The following EIF4G1 variants were observed in gnomAD, a reference collection of about 807,000 sequenced individuals.
The protein encoded by EIF4G1 is EIF4-gamma.
Under a neutral mutation model 187.8 loss-of-function variants are expected in EIF4G1, and 4 were observed. The ratio of observed to expected loss-of-function variants is 0.02; its 90% CI spans 0.01 to 0.05. The LOEUF is 0.05. Among genes scored for constraint, EIF4G1 ranks in the 10% least tolerant of loss-of-function variants. EIF4G1 has a pLI of 1.00. For missense variants in EIF4G1, 1,647 were observed against 2,081.1 expected, an observed-to-expected ratio of 0.79 and a Z score of 4.06; for synonymous variants, 844 against 781.4, an observed-to-expected ratio of 1.08 and a Z score of -1.34.
In EIF4G1 at chr3:184,332,096, A is replaced by C. The variant is rs1232502267; in HGVS notation, c.4618+10A>C. The C allele has an allele frequency of 6.2e-7, 1 of 1,614,086 alleles. No homozygotes were observed. The highest frequency in any genetic ancestry group is 8.5e-7 in the Non-Finnish European group (1 of 1,180,032). On this transcript the variant is annotated intron_variant, in intron 32 of 32. Transcript: ENST00000346169. ...TTAGAACAGCCTCCCAGTAAGAGCC[A>C]GGCCATGGGGACAGGGGTGGGGTGG...
Position 184,326,513 on chromosome 3 carries a change from C to G in EIF4G1, c.3223-14C>G. The G allele has an allele frequency of 6.2e-7, 1 of 1,613,844 alleles. No individual in the cohort carries two copies. Among genetic ancestry groups the G allele is most frequent in the Non-Finnish European group, 8.5e-7 (1 of 1,179,990 alleles). On this transcript the variant is annotated splice_polypyrimidine_tract_variant and intron_variant, in intron 21 of 32. Transcript: ENST00000346169. Reference sequence around the variant, plus strand: ...GGGTTGGACCTATGATTCTACTCCCCTTTTCTTCTTCAGCCTGGCTCCATC... The same window carrying G: ...GGGTTGGACCTATGATTCTACTCCCGTTTTCTTCTTCAGCCTGGCTCCATC...
chr3:184,328,447 A>G (rs1316703298), intron 26 of EIF4G1, 184 bp from the exon 27 acceptor site: 1 of 835,526 alleles, frequency 1.2e-6, no homozygotes, highest in Non-Finnish European at 2.0e-6. Flanking sequence ...GCATAACTTT[A>G]GGGGGTTAAG....
rs556323882 is a variant in EIF4G1, at chr3:184,314,850, C to T, written c.-92+176C>T. ...ATCCCCGGCCCACGTGTGCCTGGCCCGGCCGGGCCTGGCTGCTGGGTGGGG... is the reference window on the plus strand; with the variant it reads ...ATCCCCGGCCCACGTGTGCCTGGCCTGGCCGGGCCTGGCTGCTGGGTGGGG... On this transcript the variant is annotated intron_variant, in intron 1 of 32. Coordinates refer to ENST00000346169, the MANE Select transcript of EIF4G1 (RefSeq NM_198241.3). Among the ~76,000 whole-genome samples the T allele has an allele frequency of 1.5e-3, 219 of 150,172 alleles. 2 individuals carry two copies. The highest frequency in any genetic ancestry group is 8.1e-3 in the East Asian group (41 of 5,078).
Position 184,325,680 on chromosome 3 carries a change from A to T in EIF4G1, c.3121+41A>T. On this transcript the variant is annotated intron_variant, in intron 20 of 32. Transcript: ENST00000346169. This position sits in a 1 kb window ranked among gnomAD's most constrained non-coding sequence, Gnocchi z 5.2. ...GGATTGAGAAGGGAGCAGTGAAGGG[A>T]CCGGGAGGTTATACTTTCCTCTGAT... 6.2e-7 allele frequency: 1 copy of T among 1,614,024 alleles called. No homozygotes were observed. The highest frequency in any genetic ancestry group is 8.5e-7 in the Non-Finnish European group (1 of 1,180,004).
At chr3:184,318,465 AG>A (rs569975060) in intron 6 of EIF4G1, among the ~76,000 whole-genome samples, 1 of 152,054 alleles carries the variant, frequency 6.6e-6, no homozygotes, top group East Asian at 1.9e-4. Flanking sequence ...TTAAAATTTG[AG>A]GGGGGCTGAG....
chr3:184,330,357 C>T (rs538420577), intron 28 of EIF4G1, among the ~76,000 whole-genome samples: 20 of 152,040 alleles, frequency 1.3e-4, no homozygotes, highest in Non-Finnish European at 2.2e-4. Flanking sequence ...CCAGCCTGGG[C>T]GACAGAGCAA....
In EIF4G1 at chr3:184,327,446, C is replaced by T. The variant is rs139196308; in HGVS notation, c.3659C>T (p.Ala1220Val). 6.2e-6 allele frequency: 10 copies of T among 1,613,512 alleles called. 1 individual carries two copies. The East Asian group carries it at 2.2e-4, about 36-fold the overall frequency. Reference sequence around the variant, plus strand: ...GAGGATCGGGACCGTGGGCGGGATGCCGGTGAGAGTCTGGGAGAGGAATGG... The same window carrying T: ...GAGGATCGGGACCGTGGGCGGGATGTCGGTGAGAGTCTGGGAGAGGAATGG... ...LTEDRDRGRDAVKREAALPPV... is the reference protein window; with the variant it reads ...LTEDRDRGRDVVKREAALPPV... Residue 1220 changes from alanine (A) to valine (V), a missense_variant and splice_region_variant, in exon 24 of 33, where the codon GCC becomes GTC. Physicochemically the swap from Ala to Val is moderately conservative, Grantham distance 64. Transcript: ENST00000346169.
intron 4 of EIF4G1, among the ~76,000 whole-genome samples, chr3:184,316,516 A>G (rs1359058885): frequency 6.6e-6 from 1 of 152,048 alleles, no homozygotes; most frequent in South Asian, 2.1e-4. Context: ...GGAGGCTGCT[A>G]TTGCTCTATT....
At chr3:184,319,634 T>TA in intron 6 of EIF4G1, 55 bp from the exon 7 acceptor site, 5 of 1,160,090 alleles carry the variant, frequency 4.3e-6, no homozygotes, top group Middle Eastern at 2.5e-4. Flanking sequence ...CAGGCATTAG[T>TA]ATATGGTTGG....
chr3:184,330,190 A>G (rs534492541), intron 28 of EIF4G1, among the ~76,000 whole-genome samples: 58 of 152,304 alleles, frequency 3.8e-4, no homozygotes, highest in Non-Finnish European at 6.8e-4. Flanking sequence ...CAGCCTGGCC[A>G]ACATGATGAA....
In EIF4G1 at chr3:184,315,822, G is replaced by GCCCCGCCCCCCCCC; in HGVS notation, c.30_31insGCCCCCCCCCCCCC (p.Pro11AlafsTer36). On this transcript the variant is annotated frameshift_variant, in exon 3 of 33. Coordinates refer to ENST00000346169, the MANE Select transcript of EIF4G1 (RefSeq NM_198241.3). LOFTEE classifies it high-confidence loss of function. ...ATGAACAAAGCTCCACAGTCCACAG[G>GCCCCGCCCCCCCCC]CCCCCCACCCGCCCCATCCCCCGGA... 6.5e-7 allele frequency: 1 copy of GCCCCGCCCCCCCCC among 1,544,492 alleles called. No homozygotes were observed. Among genetic ancestry groups the GCCCCGCCCCCCCCC allele is most frequent in the Non-Finnish European group, 8.8e-7 (1 of 1,140,800 alleles).
chr3:184,324,769 G>C, intron 17 of EIF4G1, 109 bp from the exon 18 acceptor site: 1 of 1,228,672 alleles, frequency 8.1e-7, no homozygotes, highest in East Asian at 2.3e-5. Flanking sequence ...CCAGCCAGCC[G>C]GCCTCAGGAC....
At chr3:184,330,109 G>A (rs1158355932) in intron 28 of EIF4G1, among the ~76,000 whole-genome samples, 1 of 152,210 alleles carries the variant, frequency 6.6e-6, no homozygotes, top group African/African-American at 2.4e-5. Flanking sequence ...AAAAGACTGG[G>A]CCGGGCGTGG....
At position 184,327,933 on chromosome 3, in the gene EIF4G1, A is replaced by G. The variant is rs1187270334; in HGVS notation, c.3884A>G (p.Glu1295Gly). ...STLERSAIAR[E>G]HMGQLLHQLL... Reference sequence around the variant, plus strand: ...CTGGAGCGCAGTGCCATTGCTCGTGAGCATATGGGGCAGCTGCTGCACCAG... The same window carrying G: ...CTGGAGCGCAGTGCCATTGCTCGTGGGCATATGGGGCAGCTGCTGCACCAG... Residue 1295 changes from glutamate to glycine, a missense_variant, in exon 26 of 33, where the codon GAG becomes GGG. Physicochemically the swap from Glu to Gly is moderately conservative, Grantham distance 98. Around this residue, in one of 11 missense-constraint regions of EIF4G1, gnomAD observed 543 missense variants for 638.0 expected, o/e 0.85. Transcript: ENST00000346169. 6.2e-7 allele frequency: 1 copy of G among 1,612,628 alleles called. No individual in the cohort carries two copies. The highest frequency in any genetic ancestry group is 1.1e-5 in the South Asian group (1 of 91,082).
At chr3:184,315,883 G>T (rs761919522) in intron 3 of EIF4G1, 27 bp downstream of exon 3, 15 of 1,540,964 alleles carry the variant, frequency 9.7e-6, no homozygotes, top group Non-Finnish European at 1.3e-5. Flanking sequence ...TAGCAGGGGT[G>T]GGGGTGGGGG....
intron 8 of EIF4G1, 22 bp from the exon 9 acceptor site, chr3:184,320,905 G>C (rs904477102): frequency 5.6e-6 from 9 of 1,614,126 alleles, no homozygotes; most frequent in African/African-American, 1.3e-5. Flanking sequence ...GTGCAAACTT[G>C]GTAACCCTTT....
At position 184,322,924 on chromosome 3, in the gene EIF4G1, G is replaced by A; in HGVS notation, c.1899G>A (p.Leu633=). Residue 633 remains leucine (L), a synonymous_variant, in exon 13 of 33, where the codon TTG becomes TTA. Coordinates refer to ENST00000346169, the MANE Select transcript of EIF4G1 (RefSeq NM_198241.3). ...IFASMQKPEG[L]PHISDVVLDK... is the part of the protein sequence containing the mutation. ...CCAGTATGCAGAAGCCAGAGGGATT[G>A]CCACATATCAGTGACGTGGTGCTGG... The A allele has an allele frequency of 6.2e-7, 1 of 1,614,174 alleles. No homozygotes were observed. The highest frequency in any genetic ancestry group is 8.5e-7 in the Non-Finnish European group (1 of 1,180,032).
At position 184,321,382 on chromosome 3, in the gene EIF4G1, A is replaced by G. The variant is rs961015681; in HGVS notation, c.798A>G (p.Pro266=). The G allele has an allele frequency of 3.1e-6, 5 of 1,613,936 alleles. No individual in the cohort carries two copies. The highest frequency in any genetic ancestry group is 1.1e-5 in the South Asian group (1 of 91,070). The change falls in exon 10 of 33, where the codon CCA becomes CCG. Residue 266 remains proline (P), a synonymous_variant. Coordinates refer to ENST00000346169, the MANE Select transcript of EIF4G1 (RefSeq NM_198241.3). ...ESQPSSPSPT[P]SPSPVLEPGS... ...AGCCTTCGTCGCCTTCTCCGACCCC[A>G]TCACCATCCCCAGTCTTGGAACCGG...
At chr3:184,332,135 T>G (rs763248807) in intron 32 of EIF4G1, 49 bp downstream of exon 32, 2 of 1,613,590 alleles carry the variant, frequency 1.2e-6, no homozygotes, top group South Asian at 1.1e-5. Context: ...GACTGCCAGA[T>G]AGCAGGGCAT....
Sources: allele counts gnomAD v4.1 joint callset (sites outside exome capture counted in the v4.1 genomes callset), GRCh38; gene constraint gnomAD v4.1.1; regional missense constraint gnomAD v4.1.1; non-coding constraint Gnocchi (gnomAD v3.1); transcripts MANE v1.5; gene names NCBI Gene and HGNC (gene_info 2026-07-23, HGNC 2026-07-21).